The following MEGF11 variants were observed in gnomAD, a reference collection of about 807,000 sequenced individuals.
MEGF11 encodes multiple EGF like domains 11.
In MEGF11, 126 loss-of-function variants were observed where a neutral mutation model predicts 146.6. The observed-to-expected ratio is 0.86, with a 90% CI of 0.74 to 1.00. The LOEUF is 1.00. Among genes scored for constraint, MEGF11 ranks in the 50% least tolerant of loss-of-function variants. The pLI is 0.00. For synonymous variants in MEGF11, 532 were observed against 583.4 expected, an observed-to-expected ratio of 0.91 and a Z score of 1.27; for missense variants, 1,509 against 1,521.2, an observed-to-expected ratio of 0.99 and a Z score of 0.13.
intron 5 of MEGF11, among the ~76,000 whole-genome samples, chr15:65,989,841 A>G (rs1255729617): frequency 6.6e-6 from 1 of 152,184 alleles, no homozygotes; most frequent in African/African-American, 2.4e-5. Context: ...GCATCTGGAA[A>G]TGGGAGGGGG....
At chr15:66,003,175 G>T (rs959710529) in intron 5 of MEGF11, among the ~76,000 whole-genome samples, 1 of 151,992 alleles carries the variant, frequency 6.6e-6, no homozygotes, top group Non-Finnish European at 1.5e-5. Flanking sequence ...TGTATTTTTA[G>T]TGGAGACAGG....
intron 9 of MEGF11, among the ~76,000 whole-genome samples, chr15:65,959,684 C>T (rs941325186): frequency 6.6e-6 from 1 of 152,104 alleles, no homozygotes; most frequent in African/African-American, 2.4e-5. Context: ...TTATTTATAA[C>T]AGTGGAAAAT....
intron 1 of MEGF11, among the ~76,000 whole-genome samples, chr15:66,249,200 C>A (rs1480935442): frequency 6.6e-6 from 1 of 152,254 alleles, no homozygotes; most frequent in African/African-American, 2.4e-5. Flanking sequence ...TTCAGCACCT[C>A]TCTGTTCACA....
chr15:66,124,877 A>C (rs970553961), intron 2 of MEGF11, among the ~76,000 whole-genome samples: 5 of 152,364 alleles, frequency 3.3e-5, no homozygotes, highest in Non-Finnish European at 5.9e-5. Flanking sequence ...ATGTTTCCTA[A>C]GCAGGCTGGA....
At chr15:66,174,580 G>C (rs2090344414) in intron 1 of MEGF11, among the ~76,000 whole-genome samples, 1 of 151,822 alleles carries the variant, frequency 6.6e-6, no homozygotes, top group East Asian at 1.9e-4. Context: ...CAGGGAGAAG[G>C]AGAAGCAGTG....
At chr15:66,049,383 GT>G (rs2084359703) in intron 5 of MEGF11, among the ~76,000 whole-genome samples, 1 of 152,186 alleles carries the variant, frequency 6.6e-6, no homozygotes, top group African/African-American at 2.4e-5. Flanking sequence ...TGTGTTCATA[GT>G]TCTAATTTAC....
At chr15:66,150,823 CGAGAGAGAGA>C (rs66595752) in intron 1 of MEGF11, among the ~76,000 whole-genome samples, 1,277 of 104,306 alleles carry the variant, frequency 0.012, 14 homozygotes, top group African/African-American at 0.019. Context: ...AATGCCCTGT[CGAGAGAGAGA>C]GAGAGAGAGA....
At chr15:65,972,438 G>A (rs2081325346) in intron 7 of MEGF11, among the ~76,000 whole-genome samples, 1 of 152,196 alleles carries the variant, frequency 6.6e-6, no homozygotes, top group African/African-American at 2.4e-5. Flanking sequence ...GCTAGGTATG[G>A]TGGCTCATGC....
chr15:65,911,936 G>A (rs946012300), intron 21 of MEGF11, 146 bp downstream of exon 21: 7 of 415,512 alleles, frequency 1.7e-5, no homozygotes, highest in South Asian at 1.4e-4. Context: ...CGTGTACCAC[G>A]GATTGCAAGG....
chr15:66,077,017 G>A (rs978245743), intron 5 of MEGF11, among the ~76,000 whole-genome samples: 2 of 152,202 alleles, frequency 1.3e-5, no homozygotes, highest in Non-Finnish European at 1.5e-5. Context: ...AGAGTTAAAA[G>A]GTTGCCCACC....
At chr15:65,974,366 G>C (rs1464450538) in intron 7 of MEGF11, among the ~76,000 whole-genome samples, 1 of 152,124 alleles carries the variant, frequency 6.6e-6, no homozygotes, top group African/African-American at 2.4e-5. Context: ...GGGGAGAGAA[G>C]AGTCACTCAG....
intron 5 of MEGF11, among the ~76,000 whole-genome samples, chr15:66,088,965 A>G (rs1398203058): frequency 6.6e-6 from 1 of 152,246 alleles, no homozygotes; most frequent in Admixed American, 6.5e-5. Flanking sequence ...CAAATTGCAC[A>G]TTTAAAAATG....
chr15:65,930,717 G>C, intron 11 of MEGF11, 106 bp downstream of exon 11: 5 of 1,369,968 alleles, frequency 3.6e-6, no homozygotes, highest in Admixed American at 2.5e-5. Context: ...CCTTGCATGT[G>C]GGGGCGGGGG....
intron 5 of MEGF11, among the ~76,000 whole-genome samples, chr15:66,018,779 C>T (rs1011769230): frequency 1.3e-5 from 2 of 152,184 alleles, no homozygotes; most frequent in Non-Finnish European, 2.9e-5. Flanking sequence ...CCTTCACAGA[C>T]ACAGCCAAAG....
chr15:65,916,496 A>C (rs1411093630), intron 17 of MEGF11: 16 of 670,440 alleles, frequency 2.4e-5, no homozygotes, highest in Non-Finnish European at 4.0e-5. Flanking sequence ...TTGGAACCAC[A>C]GGTCAGGCTA....
chr15:66,084,964 C>CG, intron 5 of MEGF11, among the ~76,000 whole-genome samples: 1 of 152,034 alleles, frequency 6.6e-6, no homozygotes. Context: ...GCGAAGGTGG[C>CG]GGGGGAAGGG....
At chr15:66,103,094 A>C (rs2086894806) in intron 4 of MEGF11, among the ~76,000 whole-genome samples, 1 of 152,222 alleles carries the variant, frequency 6.6e-6, no homozygotes, top group Non-Finnish European at 1.5e-5. Flanking sequence ...CCCAGCAGCA[A>C]ATGAGAACTA....
At chr15:66,114,717 A>C (rs2087631662) in intron 4 of MEGF11, among the ~76,000 whole-genome samples, 1 of 151,848 alleles carries the variant, frequency 6.6e-6, no homozygotes, top group Admixed American at 6.6e-5. Context: ...CCTGGTGACC[A>C]AAGTGGGCCA....
At chr15:65,922,582 T>A (rs2079211839) in intron 14 of MEGF11, 110 bp from the exon 15 acceptor site, 2 of 1,415,338 alleles carry the variant, frequency 1.4e-6, no homozygotes, top group South Asian at 1.5e-5. Flanking sequence ...CATCCTTCCC[T>A]CATCTTGGAG....
Sources: gnomAD v4.1 joint callset for allele counts (sites outside exome capture counted in the v4.1 genomes callset) on GRCh38, gnomAD v4.1.1 for gene constraint, MANE v1.5 for transcripts, NCBI Gene and HGNC (gene_info 2026-07-23, HGNC 2026-07-21) for gene names.